KCNN2: variants seen among roughly 807,000 people sequenced by gnomAD.
KCNN2 encodes the protein small conductance calcium-activated potassium channel protein 2.
Under a neutral mutation model 55.5 loss-of-function variants are expected in KCNN2, and 24 were observed. The ratio of observed to expected loss-of-function variants is 0.43; its 90% CI spans 0.31 to 0.61. The LOEUF is 0.61. KCNN2 is among the 20% of genes least tolerant of loss of function. The pLI is 0.08. For missense variants in KCNN2, 754 were observed against 853.6 expected, an observed-to-expected ratio of 0.88 and a Z score of 1.45; for synonymous variants, 431 against 336.1, an observed-to-expected ratio of 1.28 and a Z score of -3.09.
upstream of KCNN2, chr5:114,361,179 C>T (rs867688781): frequency 2.1e-4 from 32 of 152,374 alleles, no homozygotes; most frequent in African/African-American, 7.5e-4. Flanking sequence ...GGAAAGCCCT[C>T]CGCCCCCGCC....
chr5:114,480,846 A>G (rs1214565950), intron 5 of KCNN2, among the ~76,000 whole-genome samples: 1 of 152,182 alleles, frequency 6.6e-6, no homozygotes, highest in Non-Finnish European at 1.5e-5. Context: ...TCAATAAACT[A>G]GGTACTGAAG....
chr5:114,305,505 G>C (rs1756250992), intron 2 of KCNN2, among the ~76,000 whole-genome samples: 2 of 152,156 alleles, frequency 1.3e-5, no homozygotes, highest in Admixed American at 1.3e-4. Context: ...AGGGCATCAG[G>C]AGCTTGCTCA....
intron 1 of KCNN2, among the ~76,000 whole-genome samples, chr5:114,107,821 C>T (rs1409158207): frequency 6.6e-6 from 1 of 152,030 alleles, no homozygotes; most frequent in East Asian, 1.9e-4. Flanking sequence ...AACTTTACAA[C>T]ATTGAGTTTT....
chr5:114,434,535 GAAAGCCAGAT>G (rs1372831821), intron 3 of KCNN2, among the ~76,000 whole-genome samples: 1 of 152,106 alleles, frequency 6.6e-6, no homozygotes, highest in Non-Finnish European at 1.5e-5. Context: ...ATTTTGTGTT[GAAAGCCAGAT>G]ATAAGATACT....
chr5:114,389,708 A>T (rs879255840), intron 2 of KCNN2, among the ~76,000 whole-genome samples: 1 of 152,164 alleles, frequency 6.6e-6, no homozygotes, highest in Non-Finnish European at 1.5e-5. Context: ...AAAAAGACTA[A>T]ACTAGGACGT....
intron 2 of KCNN2, among the ~76,000 whole-genome samples, chr5:114,233,153 C>G (rs1025191082): frequency 1.3e-5 from 2 of 150,690 alleles, no homozygotes; most frequent in Non-Finnish European, 2.9e-5. Context: ...ATCTCCTGAC[C>G]TCGTGATCCG....
chr5:114,076,840 C>T (rs1294751845), intron 1 of KCNN2, among the ~76,000 whole-genome samples: 13 of 152,126 alleles, frequency 8.5e-5, no homozygotes, highest in Admixed American at 3.3e-4. Context: ...AGTGCAGGCA[C>T]GTGCCAACAT....
intron 1 of KCNN2, among the ~76,000 whole-genome samples, chr5:114,143,610 T>G (rs1752334640): frequency 6.6e-6 from 1 of 152,184 alleles, no homozygotes; most frequent in Non-Finnish European, 1.5e-5. Context: ...AACATCTGTT[T>G]TTCTGTGATA....
At chr5:114,136,669 CAT>C (rs1311380285) in intron 1 of KCNN2, among the ~76,000 whole-genome samples, 1 of 152,116 alleles carries the variant, frequency 6.6e-6, no homozygotes, top group African/African-American at 2.4e-5. Context: ...ACAGAAATGG[CAT>C]GAAATTGGGA....
rs533804455 is a variant in KCNN2 at position 114,254,176 on chromosome 5, T to A, written c.-185+32611T>A. ...TATATTGCAATGTTTTGCTGTAGAC[T>A]ATTTAGAAGAGGCTCTGTATTAATG... On this transcript the variant is annotated intron_variant, in intron 2 of 10. Transcript: ENST00000512097. Among the ~76,000 whole-genome samples, 3 of 152,298 alleles carry A rather than the reference T, an allele frequency of 2.0e-5. No homozygotes were observed. The East Asian group carries it at 5.8e-4, about 29-fold the overall frequency.
intron 2 of KCNN2, among the ~76,000 whole-genome samples, chr5:114,390,132 G>A (rs1758413076): frequency 6.6e-6 from 1 of 152,068 alleles, no homozygotes; most frequent in Non-Finnish European, 1.5e-5. Context: ...TAGCAATGTA[G>A]CAATATTATT....
intron 2 of KCNN2, among the ~76,000 whole-genome samples, chr5:114,314,475 C>G (rs1417334324): frequency 6.6e-6 from 1 of 152,052 alleles, no homozygotes; most frequent in Non-Finnish European, 1.5e-5. Flanking sequence ...TTACCTATTC[C>G]TCTTTTCCCC....
At chr5:114,269,174 C>A (rs1348137589) in intron 2 of KCNN2, among the ~76,000 whole-genome samples, 1 of 152,102 alleles carries the variant, frequency 6.6e-6, no homozygotes, top group East Asian at 1.9e-4. Context: ...ATGCTGTATT[C>A]TATAAGTGTA....
Position 114,362,934 on chromosome 5 carries a change from T to TTCC in KCNN2, c.795_796insTCC (p.Ala265_Ala266insSer). The TTCC allele has an allele frequency of 1.3e-6, 2 of 1,560,874 alleles. No individual in the cohort carries two copies. The highest frequency in any genetic ancestry group is 1.7e-6 in the Non-Finnish European group (2 of 1,161,082). Reference sequence around the variant, plus strand: ...GCGCGTCCTCCCCGTCTGCAGCCGCTGCCGCCGCCGCCGCTGTTTCGTCCT... The same window carrying TTCC: ...GCGCGTCCTCCCCGTCTGCAGCCGCTTCCGCCGCCGCCGCCGCTGTTTCGTCCT... On this transcript the variant is annotated inframe_insertion, in exon 1 of 8. Coordinates refer to ENST00000673685, the MANE Select transcript of KCNN2 (RefSeq NM_021614.4).
At chr5:114,462,470 A>T (rs1289732316) in intron 3 of KCNN2, among the ~76,000 whole-genome samples, 2 of 152,136 alleles carry the variant, frequency 1.3e-5, no homozygotes, top group Admixed American at 6.5e-5. Context: ...AGGTAGATTG[A>T]CCTATTATAA....
chr5:114,088,991 GT>G (rs1185822642), intron 1 of KCNN2, among the ~76,000 whole-genome samples: 1 of 152,172 alleles, frequency 6.6e-6, no homozygotes, highest in African/African-American at 2.4e-5. Context: ...TTTTTTAAAT[GT>G]AATTCCTTAA....
chr5:114,464,753 A>AATTTAACATT (rs1445828375), intron 4 of KCNN2, among the ~76,000 whole-genome samples: 14 of 152,156 alleles, frequency 9.2e-5, no homozygotes, highest in African/African-American at 3.4e-4. Context: ...TTGGGGGCAT[A>AATTTAACATT]ATTTAACATT....
intron 2 of KCNN2, among the ~76,000 whole-genome samples, chr5:114,376,979 A>G (rs983528196): frequency 6.6e-6 from 1 of 152,174 alleles, no homozygotes; most frequent in African/African-American, 2.4e-5. Context: ...CTGTAGTCCT[A>G]GCTACTTGGG....
intron 4 of KCNN2, among the ~76,000 whole-genome samples, chr5:114,470,167 C>T (rs1003891723): frequency 6.6e-6 from 1 of 152,160 alleles, no homozygotes; most frequent in African/African-American, 2.4e-5. Context: ...AATCCACTTT[C>T]CAAGGCTCTT....
Sources: gnomAD v4.1 joint callset for allele counts (sites outside exome capture counted in the v4.1 genomes callset) on GRCh38, gnomAD v4.1.1 for gene constraint, MANE v1.5 for transcripts, NCBI Gene and HGNC (gene_info 2026-07-23, HGNC 2026-07-21) for gene names.